ZNF264: variants seen among roughly 807,000 people sequenced by gnomAD.
ZNF264 encodes zinc finger protein 264.
ZNF264 carries 11 observed loss-of-function variants against 11.2 expected under a neutral mutation model. The ratio of observed to expected loss-of-function variants is 0.98; its 90% CI spans 0.62 to 1.63. The LOEUF is 1.63. Ranked by LOEUF, ZNF264 falls within the 40% of genes most tolerant of loss-of-function variation. The pLI, the probability that ZNF264 is intolerant of heterozygous loss-of-function variation, is 0.00. For missense variants in ZNF264, 752 were observed against 768.1 expected (o/e 0.98, Z 0.25); for synonymous variants, 309 against 279.8 (o/e 1.10, Z -1.04).
chr19:57,213,064 C>T lies in ZNF264; in HGVS notation c.*83C>T. 1 of 1,359,376 alleles carries T rather than the reference C, an allele frequency of 7.4e-7. No homozygotes were observed. The highest frequency in any genetic ancestry group is 1.0e-6 in the Non-Finnish European group (1 of 1,001,416). The allele number at this position is 1,359,376 out of a possible 1,614,324, so 84.2% of individuals were successfully genotyped here. ...TTCAGTCTAGAGCCTTATTCTCCAT[C>T]TGATAATTTATCCTGGAGAGAGACC... On this transcript the variant is annotated 3_prime_UTR_variant, in exon 4 of 4. Transcript: ENST00000263095.
intron 1 of ZNF264, chr19:57,192,562 C>G: frequency 1.0e-6 from 1 of 985,284 alleles, no homozygotes; most frequent in Non-Finnish European, 1.2e-6. Context: ...GGAAAGAGGC[C>G]GATGGTTGGT....
chr19:57,196,606 G>C (rs2087213419), intron 2 of ZNF264, among the ~76,000 whole-genome samples: 1 of 151,910 alleles, frequency 6.6e-6, no homozygotes, highest in Non-Finnish European at 1.5e-5. Flanking sequence ...TTTTGTTCAT[G>C]GGCCCATTGC....
intron 2 of ZNF264, among the ~76,000 whole-genome samples, chr19:57,196,769 A>G (rs1167400420): frequency 1.3e-5 from 2 of 151,950 alleles, no homozygotes; most frequent in African/African-American, 4.9e-5. Flanking sequence ...TTGACCACTC[A>G]GGTCCATCCA....
chr19:57,195,366 A>G (rs373894887), intron 2 of ZNF264, among the ~76,000 whole-genome samples: 4 of 152,238 alleles, frequency 2.6e-5, no homozygotes, highest in Non-Finnish European at 5.9e-5. Flanking sequence ...TTAATAAAAG[A>G]AGGAGGAAAT....
rs1372447284 is a variant in ZNF264, at chr19:57,197,997, C to T, written c.160+3996C>T. 3.9e-5 allele frequency among the ~76,000 whole-genome samples: 6 copies of T among 151,970 alleles called. 1 individual carries two copies. Among genetic ancestry groups the T allele is most frequent in the African/African-American group, 9.7e-5 (4 of 41,220 alleles). On this transcript the variant is annotated intron_variant, in intron 2 of 3. Transcript: ENST00000263095. ...TGTGATATCTTGTGGAAGCAAAAAG[C>T]GATCAAGGTCTCTCTGAATAAGATT...
Position 57,222,412 on chromosome 19 carries a change from G to T in ZNF264, c.*9431G>T, listed in dbSNP as rs1230386383. 2.0e-5 allele frequency: 3 copies of T among 151,042 alleles called. No individual in the cohort carries two copies. Among genetic ancestry groups the T allele is most frequent in the Non-Finnish European group, 4.4e-5 (3 of 67,916 alleles). The allele number at this position is 151,042 out of a possible 1,614,324, so 9.4% of individuals were successfully genotyped here. ...AGGAAAAAGCAAATCCTAAGTTACAGTGGAACTTATGAACACCCTAGCCTA... is the reference window on the plus strand; with the variant it reads ...AGGAAAAAGCAAATCCTAAGTTACATTGGAACTTATGAACACCCTAGCCTA... On this transcript the variant is annotated 3_prime_UTR_variant, in exon 4 of 4. Transcript: ENST00000263095.
intron 2 of ZNF264, among the ~76,000 whole-genome samples, chr19:57,203,609 T>G (rs566362086): frequency 6.6e-6 from 1 of 152,278 alleles, no homozygotes; most frequent in East Asian, 1.9e-4. Flanking sequence ...TTGGTGAGAG[T>G]AGATACTATT....
At chr19:57,211,207 G>A (rs919937911) in intron 3 of ZNF264, 147 bp from the exon 4 acceptor site, 5 of 843,430 alleles carry the variant, frequency 5.9e-6, no homozygotes, top group Non-Finnish European at 8.9e-6. Context: ...AGGATAGAAA[G>A]AAATTGCAAA....
At chr19:57,209,583 T>A (rs2087318817) in intron 3 of ZNF264, among the ~76,000 whole-genome samples, 1 of 152,112 alleles carries the variant, frequency 6.6e-6, no homozygotes, top group African/African-American at 2.4e-5. Flanking sequence ...TTGGGGTTTT[T>A]TGTTTGTTTT....
At chr19:57,194,131 AT>A (rs1407901737) in intron 2 of ZNF264, 130 bp downstream of exon 2, 8 of 1,320,364 alleles carry the variant, frequency 6.1e-6, no homozygotes, top group Non-Finnish European at 8.2e-6. Context: ...AGCTTTAGTC[AT>A]TTTCCACAGT....
chr19:57,208,477 G>A (rs760228681), intron 3 of ZNF264, among the ~76,000 whole-genome samples: 4 of 152,106 alleles, frequency 2.6e-5, no homozygotes, highest in Non-Finnish European at 5.9e-5. Context: ...CCAGGAGGTC[G>A]AGGCTGAAGT....
intron 3 of ZNF264, among the ~76,000 whole-genome samples, 168 bp downstream of exon 3, chr19:57,205,660 T>C (rs2087286992): frequency 6.6e-6 from 1 of 152,238 alleles, no homozygotes; most frequent in Non-Finnish European, 1.5e-5. Flanking sequence ...TGGAGCCCTT[T>C]GACCTGTGTT....
chr19:57,210,077 G>A lies in ZNF264; in HGVS notation c.257-1277G>A, dbSNP rs150981795. Among the ~76,000 whole-genome samples the A allele has an allele frequency of 5.5e-4, 84 of 152,132 alleles. No homozygotes were observed. In the East Asian group the frequency reaches 0.014, roughly 26 times the overall value. ...TATCACCTTCACTGTCACCCAGCTC[G>A]GAATCATGGGAATCAGCCTCCCCTC... On this transcript the variant is annotated intron_variant, in intron 3 of 3. Coordinates refer to ENST00000263095, the MANE Select transcript of ZNF264 (RefSeq NM_003417.5).
chr19:57,191,711 CA>C lies in ZNF264; in HGVS notation c.-202del, dbSNP rs2087174020. 1 of 410,896 alleles carries C rather than the reference CA, an allele frequency of 2.4e-6. No individual in the cohort carries two copies. Among genetic ancestry groups the C allele is most frequent in the South Asian group, 9.0e-5 (1 of 11,056 alleles). The allele number at this position is 410,896 out of a possible 1,614,324, so 25.5% of individuals were successfully genotyped here. A position where few individuals can be genotyped will look rare whatever the true frequency, so the allele number is the denominator to read the frequency against. The stretch of plus-strand genomic sequence containing the variant: ...CCCCGCCCTTCAGCCCCGCGGTCTC[CA>C]GGGGCGGCGCCCTGGGTCTGGAACG... On this transcript the variant is annotated 5_prime_UTR_variant, in exon 1 of 4. Transcript: ENST00000263095.
In ZNF264 at chr19:57,214,751, T is replaced by C. The variant is rs2087367862; in HGVS notation, c.*1770T>C. 1 of 152,216 alleles carries C rather than the reference T, an allele frequency of 6.6e-6. No homozygotes were observed. The highest frequency in any genetic ancestry group is 6.5e-5 in the Admixed American group (1 of 15,274). The allele number at this position is 152,216 out of a possible 1,614,324, so 9.4% of individuals were successfully genotyped here. ...CTCTGTTCCCAGTTTTCTGAGACTC[T>C]GTGTTGCTATGAATAAGTGTGGAAT... On this transcript the variant is annotated 3_prime_UTR_variant, in exon 4 of 4. Transcript: ENST00000263095.
rs1360063156 is a variant in ZNF264 at position 57,201,471 on chromosome 19, TG to T, written c.161-3924del. Among the ~76,000 whole-genome samples the T allele has an allele frequency of 1.1e-4, 17 of 152,068 alleles. No homozygotes were observed. The South Asian group carries it at 1.7e-3, about 15-fold the overall frequency. ...CAGTTAAGCAGCCCACCAGTGACTT[TG>T]GTGTTGGCTTGGTTGATTGGACTTG... On this transcript the variant is annotated intron_variant, in intron 2 of 3. Transcript: ENST00000263095.
intron 3 of ZNF264, among the ~76,000 whole-genome samples, chr19:57,208,292 C>T (rs1419200045): frequency 6.6e-6 from 1 of 152,158 alleles, no homozygotes; most frequent in East Asian, 1.9e-4. Flanking sequence ...ACACCATAAT[C>T]CCAGCACTTT....
intron 1 of ZNF264, 116 bp downstream of exon 1, chr19:57,192,062 G>C: frequency 9.7e-7 from 1 of 1,034,370 alleles, no homozygotes; most frequent in Non-Finnish European, 1.3e-6. Flanking sequence ...CGTTCGCTTT[G>C]GTGTGTGGAG....
At chr19:57,195,252 A>G (rs1006152221) in intron 2 of ZNF264, among the ~76,000 whole-genome samples, 8 of 152,272 alleles carry the variant, frequency 5.3e-5, no homozygotes, top group Admixed American at 3.9e-4. Context: ...AAAGGTAGCA[A>G]TACTTAAATG....
Sources: allele counts gnomAD v4.1 joint callset (sites outside exome capture counted in the v4.1 genomes callset), GRCh38; gene constraint gnomAD v4.1.1; transcripts MANE v1.5; gene names NCBI Gene and HGNC (gene_info 2026-07-23, HGNC 2026-07-21).